Variants in EPB42 observed in about 807,000 individuals in gnomAD.
The protein encoded by EPB42 is erythrocyte membrane protein band 4.2.
Under a neutral mutation model 76.9 loss-of-function variants are expected in EPB42, and 49 were observed. The observed-to-expected ratio is 0.64, with a 90% CI of 0.51 to 0.81. The LOEUF is 0.81. EPB42 is among the 30% of genes least tolerant of loss of function. The probability of loss-of-function intolerance (pLI) is 0.00; values close to 1 mark genes in which losing one functional copy is unlikely to be tolerated. For missense variants in EPB42, 731 were observed against 867.6 expected (o/e 0.84, Z 1.98); for synonymous variants, 310 against 338.4 (o/e 0.92, Z 0.92).
intron 3 of EPB42, among the ~76,000 whole-genome samples, chr15:43,212,224 G>A (rs954240171): frequency 6.6e-6 from 1 of 151,852 alleles, no homozygotes; most frequent in Non-Finnish European, 1.5e-5. Flanking sequence ...AAAAAATTAG[G>A]TGGGTGTGGT....
Position 43,197,406 on chromosome 15 carries a change from G to A in EPB42, c.1972C>T (p.His658Tyr). The stretch of plus-strand genomic sequence containing the variant: ...ACAGTGAGTCTCTGGAGCCCCACAT[G>A]TGTTGGCGTGAACTGGAACTTGGCA... ...MCAKFQFTPT[H>Y]VGLQRLTVEV... is the part of the protein sequence containing the mutation. The change falls in exon 13 of 13, where the codon CAT (histidine) becomes TAT (tyrosine). Residue 658 changes from histidine to tyrosine, a missense_variant. By Grantham distance (83) the His-to-Tyr change is moderately conservative. Transcript: ENST00000441366. 6.2e-7 allele frequency: 1 copy of A among 1,614,178 alleles called. No individual in the cohort carries two copies. Among genetic ancestry groups the A allele is most frequent in the Non-Finnish European group, 8.5e-7 (1 of 1,180,034 alleles).
chr15:43,204,966 C>A lies in EPB42; in HGVS notation c.1618+1364G>T, dbSNP rs1189829697. Among the ~76,000 whole-genome samples the A allele has an allele frequency of 1.7e-4, 24 of 137,384 alleles. 1 individual carries two copies. Among genetic ancestry groups the A allele is most frequent in the East Asian group, 4.6e-4 (2 of 4,392 alleles). The allele number at this position is 137,384 out of a possible 152,430, so 90.1% of individuals were successfully genotyped here. ...TGGCTCAGAAGGCTGCCCCCTCCGC[C>A]CCCCCCCCAAAAAAAAGTTCCCAAG... On this transcript the variant is annotated intron_variant, in intron 10 of 12. Coordinates refer to ENST00000441366, the MANE Select transcript of EPB42 (RefSeq NM_001114134.2).
Position 43,206,356 on chromosome 15 carries a change from A to G in EPB42, c.1592T>C (p.Leu531Pro). The change falls in exon 10 of 13, where the codon CTG becomes CCG. Residue 531 changes from leucine to proline, a missense_variant. Transcript: ENST00000441366. This position sits in a 1 kb window ranked among gnomAD's most constrained non-coding sequence, Gnocchi z 4.7. ...VLAAKLWRKK[L>P]HLTLSANLEK... ...CAGGTTGGCACTGAGCGTGAGGTGC[A>G]GCTTCTTCCTCCAGAGCTTGGCAGC... 1 of 1,612,768 alleles carries G rather than the reference A, an allele frequency of 6.2e-7. No homozygotes were observed. Among genetic ancestry groups the G allele is most frequent in the Non-Finnish European group, 8.5e-7 (1 of 1,178,866 alleles).
chr15:43,211,086 G>A (rs989615951), intron 4 of EPB42, among the ~76,000 whole-genome samples: 2 of 152,176 alleles, frequency 1.3e-5, no homozygotes, highest in African/African-American at 4.8e-5. Context: ...TGAGGAGTTG[G>A]AACATGGGGC....
At chr15:43,214,833 A>C (rs2042353586) in intron 3 of EPB42, among the ~76,000 whole-genome samples, 2 of 152,176 alleles carry the variant, frequency 1.3e-5, no homozygotes, top group South Asian at 4.1e-4. Flanking sequence ...CTGAGCCAGC[A>C]CCAGGGTCTG....
chr15:43,203,347 C>T, intron 10 of EPB42, 72 bp from the exon 11 acceptor site: 2 of 1,591,384 alleles, frequency 1.3e-6, no homozygotes, highest in South Asian at 1.1e-5. Flanking sequence ...GTTACACACA[C>T]AATACAAAGG....
chr15:43,211,481 G>A lies in EPB42; in HGVS notation c.484C>T (p.Gln162Ter). 1 of 1,614,140 alleles carries A rather than the reference G, an allele frequency of 6.2e-7. No homozygotes were observed. Among genetic ancestry groups the A allele is most frequent in the Non-Finnish European group, 8.5e-7 (1 of 1,179,978 alleles). Residue 162 changes from glutamine (Q) to a stop codon, truncating the protein, a stop_gained, in exon 4 of 13, where the codon CAG (glutamine) becomes TAG (stop). Transcript: ENST00000441366. LOFTEE classifies it high-confidence loss of function. ...GTACCCAGGTAGATGAGACCATTCT[G>A]GTTCAACAAGTACTCCATGCGCTGA... The part of the protein sequence containing the change: ...EAQRMEYLLN[Q>*]NGLIYLGTAD...
At chr15:43,201,768 A>T in intron 12 of EPB42, 76 bp downstream of exon 12, 1 of 1,602,216 alleles carries the variant, frequency 6.2e-7, no homozygotes, top group Non-Finnish European at 8.6e-7. Context: ...TGGCAAAGAG[A>T]GAGTTTCTCT....
chr15:43,216,509 C>G, intron 1 of EPB42, 56 bp from the exon 2 acceptor site: 6 of 1,581,164 alleles, frequency 3.8e-6, no homozygotes, highest in Admixed American at 1.7e-5. Context: ...AATGTAAGTA[C>G]AAGCAGAGAT....
At chr15:43,209,479 T>C (rs769766580) in intron 5 of EPB42, 28 bp from the exon 6 acceptor site, 3 of 1,598,060 alleles carry the variant, frequency 1.9e-6, no homozygotes, top group East Asian at 4.5e-5. Context: ...TGGATGTCAG[T>C]ATGAGTCCCT....
chr15:43,213,809 GAGC>G (rs2142310193), intron 3 of EPB42, among the ~76,000 whole-genome samples: 1 of 152,358 alleles, frequency 6.6e-6, no homozygotes, highest in African/African-American at 2.4e-5. Context: ...TGCGCCCTTG[GAGC>G]AGGAAATAAG....
At position 43,197,346 on chromosome 15, in the gene EPB42, T is replaced by C. The variant is rs201674874; in HGVS notation, c.2032A>G (p.Asn678Asp). 1,073 of 1,614,098 alleles carry C rather than the reference T, an allele frequency of 6.6e-4. No individual in the cohort carries two copies. Among genetic ancestry groups the C allele is most frequent in the Non-Finnish European group, 8.3e-4 (982 of 1,180,050 alleles). ...VDCNMFQNLT[N>D]YKSVTVVAPE... ...GCTACCACGGTGACGCTTTTATAGT[T>C]GGTTAGGTTCTGGAACATGTTGCAG... The change falls in exon 13 of 13, where the codon AAC becomes GAC. Residue 678 changes from asparagine to aspartate, a missense_variant. Coordinates refer to ENST00000441366, the MANE Select transcript of EPB42 (RefSeq NM_001114134.2).
intron 6 of EPB42, among the ~76,000 whole-genome samples, 185 bp from the exon 7 acceptor site, chr15:43,208,960 C>T (rs1036001977): frequency 3.9e-5 from 6 of 152,202 alleles, no homozygotes; most frequent in African/African-American, 1.4e-4. Context: ...ACAGGTTCCA[C>T]CGCATGCGGG....
chr15:43,206,486 T>G lies in EPB42; in HGVS notation c.1462A>C (p.Arg488=). The change falls in exon 10 of 13, where the codon AGA becomes CGA. Residue 488 remains arginine (R), a synonymous_variant. Coordinates refer to ENST00000441366, the MANE Select transcript of EPB42 (RefSeq NM_001114134.2). This position sits in a 1 kb window ranked among gnomAD's most constrained non-coding sequence, Gnocchi z 4.7. ...GTCACTGAGATCTGGGCATCCCCTCTCAGGGGTAGGGAGCTGGGTGCTTTC... is the reference window on the plus strand; with the variant it reads ...GTCACTGAGATCTGGGCATCCCCTCGCAGGGGTAGGGAGCTGGGTGCTTTC... ...LLKAPSSLPL[R]GDAQISVTLV... 2 of 1,614,170 alleles carry G rather than the reference T, an allele frequency of 1.2e-6. No homozygotes were observed. The highest frequency in any genetic ancestry group is 1.7e-6 in the Non-Finnish European group (2 of 1,180,036).
chr15:43,218,087 A>C (rs1400504238), intron 1 of EPB42, among the ~76,000 whole-genome samples: 1 of 152,068 alleles, frequency 6.6e-6, no homozygotes, highest in Non-Finnish European at 1.5e-5. Context: ...GGCTATAGAT[A>C]AAGTAGCCAT....
chr15:43,220,662 A>ACCCC, intron 1 of EPB42, 154 bp downstream of exon 1: 2 of 262,898 alleles, frequency 7.6e-6, no homozygotes, highest in South Asian at 2.6e-5. Context: ...CCCCCCCCAC[A>ACCCC]GCCACCTCAT....
intron 3 of EPB42, among the ~76,000 whole-genome samples, chr15:43,212,369 C>CAAAAAAAAAAAAAAAAAA (rs35031544): frequency 1.2e-5 from 1 of 86,900 alleles, no homozygotes; most frequent in Non-Finnish European, 2.4e-5. Flanking sequence ...AACTCCGTCT[C>CAAAAAAAAAAAAAAAAAA]AAAAAAAAAA....
chr15:43,208,890 A>G, intron 6 of EPB42, 115 bp from the exon 7 acceptor site: 1 of 1,277,260 alleles, frequency 7.8e-7, no homozygotes, highest in Non-Finnish European at 1.1e-6. Context: ...AAAGAAGAGG[A>G]GTGCAGGAAC....
Position 43,206,555 on chromosome 15 carries a change from G to A in EPB42, c.1393C>T (p.Arg465Cys), listed in dbSNP as rs776171995. ...CTGGCAGTCTCGAGACTGGGAGGACGGATGCCGTTGTCTTTCTCACGTTCC... is the reference window on the plus strand; with the variant it reads ...CTGGCAGTCTCGAGACTGGGAGGACAGATGCCGTTGTCTTTCTCACGTTCC... ...KMEREKDNGI[R>C]PPSLETASPL... The change falls in exon 10 of 13, where the codon CGT (arginine) becomes TGT (cysteine). Residue 465 changes from arginine (R) to cysteine (C), a missense_variant. By Grantham distance (180) the Arg-to-Cys change is radical. Transcript: ENST00000441366. This position sits in a 1 kb window ranked among gnomAD's most constrained non-coding sequence, Gnocchi z 4.7. 50 of 1,614,180 alleles carry A rather than the reference G, an allele frequency of 3.1e-5. No individual in the cohort carries two copies. Among genetic ancestry groups the A allele is most frequent in the Non-Finnish European group, 3.6e-5 (43 of 1,180,034 alleles).
Sources: gnomAD v4.1 joint callset for allele counts (sites outside exome capture counted in the v4.1 genomes callset) on GRCh38, gnomAD v4.1.1 for gene constraint, Gnocchi (gnomAD v3.1) non-coding constraint, MANE v1.5 for transcripts, NCBI Gene and HGNC (gene_info 2026-07-23, HGNC 2026-07-21) for gene names.